The following ST6GALNAC5 variants were observed in gnomAD, a reference collection of about 807,000 sequenced individuals.
The protein encoded by ST6GALNAC5 is alpha-N-acetylgalactosaminide alpha-2,6-sialyltransferase 5.
ST6GALNAC5 carries 27 observed loss-of-function variants against 33.6 expected under a neutral mutation model. The observed-to-expected ratio is 0.80, with a 90% CI of 0.59 to 1.11. The LOEUF (loss-of-function observed/expected upper bound fraction) is 1.11. Among genes scored for constraint, ST6GALNAC5 ranks in the 50% least tolerant of loss-of-function variants. The pLI, the probability that ST6GALNAC5 is intolerant of heterozygous loss-of-function variation, is 0.00. For synonymous variants in ST6GALNAC5, 194 were observed against 171.2 expected (o/e 1.13, Z -1.04); for missense variants, 428 against 454.0 (o/e 0.94, Z 0.52).
chr1:77,055,194 A>G (rs1317563831), intron 4 of ST6GALNAC5, among the ~76,000 whole-genome samples: 2 of 152,128 alleles, frequency 1.3e-5, no homozygotes, highest in Admixed American at 1.3e-4. Flanking sequence ...CAAGACCTTC[A>G]GGATAGGGCT....
chr1:76,960,828 T>C (rs979904105), intron 2 of ST6GALNAC5, among the ~76,000 whole-genome samples: 3 of 152,190 alleles, frequency 2.0e-5, no homozygotes. Flanking sequence ...TTTCTGAACG[T>C]TGCTGTTATC....
At chr1:77,051,445 T>A (rs567027355) in intron 4 of ST6GALNAC5, among the ~76,000 whole-genome samples, 7 of 152,134 alleles carry the variant, frequency 4.6e-5, no homozygotes, top group Non-Finnish European at 1.0e-4. Flanking sequence ...GCTGCACAGG[T>A]GTAAAGCCTG....
Position 77,064,571 on chromosome 1 carries a change from T to C in ST6GALNAC5, c.*1365T>C, listed in dbSNP as rs1652713118. On this transcript the variant is annotated 3_prime_UTR_variant, in exon 5 of 5. Transcript: ENST00000477717. Reference sequence around the variant, plus strand: ...GAACTGTTTAGACTCACTACAAATCTTCTTAGATTATATTCATTACCATTC... The same window carrying C: ...GAACTGTTTAGACTCACTACAAATCCTCTTAGATTATATTCATTACCATTC... The C allele has an allele frequency of 6.6e-6, 1 of 152,142 alleles. No homozygotes were observed. Among genetic ancestry groups the C allele is most frequent in the Admixed American group, 6.6e-5 (1 of 15,266 alleles). The allele number at this position is 152,142 out of a possible 1,614,324, so 9.4% of individuals were successfully genotyped here. A position where few individuals can be genotyped will look rare whatever the true frequency, so the allele number is the denominator to read the frequency against.
intron 2 of ST6GALNAC5, among the ~76,000 whole-genome samples, chr1:76,967,391 G>A (rs1648540802): frequency 6.6e-6 from 1 of 152,134 alleles, no homozygotes; most frequent in East Asian, 1.9e-4. Context: ...GCATAGAGGT[G>A]TTCATAGTAT....
intron 2 of ST6GALNAC5, among the ~76,000 whole-genome samples, chr1:76,974,289 C>G (rs915603842): frequency 7.5e-5 from 10 of 133,184 alleles, no homozygotes; most frequent in East Asian, 2.6e-4. Flanking sequence ...CATAGCGCCT[C>G]AAACTCCTGG....
intron 2 of ST6GALNAC5, among the ~76,000 whole-genome samples, chr1:76,972,161 G>A (rs1648784515): frequency 6.6e-6 from 1 of 152,174 alleles, no homozygotes; most frequent in Non-Finnish European, 1.5e-5. Context: ...ATGGTGGAAG[G>A]CGAAGGAGGA....
intron 2 of ST6GALNAC5, among the ~76,000 whole-genome samples, chr1:77,004,289 C>T (rs908854692): frequency 2.7e-5 from 4 of 150,020 alleles, no homozygotes; most frequent in African/African-American, 9.7e-5. Context: ...CGCATCAGCT[C>T]CTGAGGCTTC....
intron 2 of ST6GALNAC5, among the ~76,000 whole-genome samples, chr1:76,984,439 C>A (rs1649395770): frequency 6.6e-6 from 1 of 152,142 alleles, no homozygotes; most frequent in African/African-American, 2.4e-5. Context: ...TTCCTGGACA[C>A]ACACACCCTC....
chr1:77,032,120 C>T (rs188859785), intron 2 of ST6GALNAC5, among the ~76,000 whole-genome samples: 111 of 152,220 alleles, frequency 7.3e-4, no homozygotes, highest in African/African-American at 2.6e-3. Flanking sequence ...CTCCGGTTTA[C>T]AATTGAGGAG....
chr1:77,012,705 T>A (rs1650680028), intron 2 of ST6GALNAC5, among the ~76,000 whole-genome samples: 1 of 152,128 alleles, frequency 6.6e-6, no homozygotes, highest in Non-Finnish European at 1.5e-5. Flanking sequence ...AGATTATGGG[T>A]GAATTAGAAA....
In ST6GALNAC5 at chr1:77,066,301, A is replaced by G. The variant is rs1252806500; in HGVS notation, c.*3095A>G. 6.6e-6 allele frequency among the ~76,000 whole-genome samples: 1 copy of G among 152,162 alleles called. No individual in the cohort carries two copies. The highest frequency in any genetic ancestry group is 2.4e-5 in the African/African-American group (1 of 41,448). On this transcript the variant is annotated 3_prime_UTR_variant, in exon 5 of 5. Transcript: ENST00000477717. ...AAGCAAAACACAACGTATTGTACCT[A>G]AAAGAGAAATTTGTGTGGTCTCTCA...
intron 2 of ST6GALNAC5, among the ~76,000 whole-genome samples, chr1:76,901,667 GAGAAGTTCCAT>G (rs376319711): frequency 2.6e-3 from 402 of 152,292 alleles, no homozygotes; most frequent in African/African-American, 9.2e-3. Flanking sequence ...TCTACAAGCA[GAGAAGTTCCAT>G]TTGGTCCTCT....
At chr1:76,871,158 G>A (rs1224944974) in intron 2 of ST6GALNAC5, 1 of 152,190 alleles carries the variant, frequency 6.6e-6, no homozygotes, top group Non-Finnish European at 1.5e-5. Context: ...AATATTGCTA[G>A]GAATTTTTTT....
chr1:77,043,953 G>C (rs1651917563), intron 2 of ST6GALNAC5, among the ~76,000 whole-genome samples: 1 of 152,136 alleles, frequency 6.6e-6, no homozygotes, highest in African/African-American at 2.4e-5. Flanking sequence ...TTTAATATCA[G>C]TAAAGCCCTT....
intron 2 of ST6GALNAC5, among the ~76,000 whole-genome samples, chr1:76,975,137 A>G (rs1315891060): frequency 6.6e-6 from 1 of 152,084 alleles, no homozygotes; most frequent in East Asian, 1.9e-4. Context: ...ATTAAATAAT[A>G]AAGTTAATAC....
intron 2 of ST6GALNAC5, among the ~76,000 whole-genome samples, chr1:77,029,557 C>T (rs1239835694): frequency 6.6e-6 from 1 of 152,204 alleles, no homozygotes; most frequent in Non-Finnish European, 1.5e-5. Context: ...GCACAGGGCT[C>T]TCCCTAGAGG....
At chr1:76,964,444 T>C (rs1648372715) in intron 2 of ST6GALNAC5, among the ~76,000 whole-genome samples, 1 of 152,120 alleles carries the variant, frequency 6.6e-6, no homozygotes, top group South Asian at 2.1e-4. Context: ...TTCAACCTCT[T>C]ATCACACTAC....
chr1:76,886,082 T>C (rs1653887091), intron 2 of ST6GALNAC5, among the ~76,000 whole-genome samples: 1 of 152,032 alleles, frequency 6.6e-6, no homozygotes, highest in Non-Finnish European at 1.5e-5. Context: ...CAATTTCCTG[T>C]CCATAAATGG....
At chr1:77,021,637 C>T (rs1570106095) in intron 2 of ST6GALNAC5, among the ~76,000 whole-genome samples, 1 of 152,150 alleles carries the variant, frequency 6.6e-6, no homozygotes, top group East Asian at 1.9e-4. Context: ...TGATACATTG[C>T]ACTCTGACTT....
Sources: allele counts gnomAD v4.1 joint callset (sites outside exome capture counted in the v4.1 genomes callset), GRCh38; gene constraint gnomAD v4.1.1; transcripts MANE v1.5; gene names NCBI Gene and HGNC (gene_info 2026-07-23, HGNC 2026-07-21).